Variants in SNX12 observed in about 807,000 individuals in gnomAD.
SNX12 encodes the protein sorting nexin 12.
For synonymous variants in SNX12, 47 were observed against 56.0 expected (o/e 0.84, Z 0.71); for missense variants, 62 against 141.3 (o/e 0.44, Z 2.84).
chrX:71,070,371 T>C (rs1313835012), upstream of SNX12, among the ~76,000 whole-genome samples: 4 of 111,318 alleles, frequency 3.6e-5, no homozygotes, highest in African/African-American at 9.8e-5. Flanking sequence ...AGGAAAGAGA[T>C]TGAAGAAATA....
chrX:71,068,541 C>T (rs781173861), upstream of SNX12: 188 of 264,460 alleles, frequency 7.1e-4, no homozygotes, highest in African/African-American at 5.0e-3. Context: ...TTCAGGCTTC[C>T]GGGTGATGTT....
chrX:71,068,339 G>C (rs368500383), upstream of SNX12: 646 of 1,146,449 alleles, frequency 5.6e-4, no homozygotes, highest in Admixed American at 1.8e-3. Flanking sequence ...CCGGGGAAAG[G>C]GGGTGGGGGA....
At position 71,061,869 on chromosome X, in the gene SNX12, C is replaced by T. The variant is rs1298003816; in HGVS notation, c.360G>A (p.Arg120=). 1.7e-6 allele frequency: 2 copies of T among 1,206,642 alleles called. No individual in the cohort carries two copies. The highest frequency in any genetic ancestry group is 2.2e-6 in the Non-Finnish European group (2 of 893,054). The change falls in exon 3 of 4, where the codon AGG becomes AGA. Residue 120 remains arginine, a synonymous_variant. Transcript: ENST00000374274. ...TGTTAATAAACTGCTCGAGGCCCTGCCTCCTTTCTTCGATGAAAGACTCCT... is the reference window on the plus strand; with the variant it reads ...TGTTAATAAACTGCTCGAGGCCCTGTCTCCTTTCTTCGATGAAAGACTCCT... ...IFEESFIEER[R]QGLEQFINKI...
At position 71,060,824 on chromosome X, in the gene SNX12, A is replaced by C; in HGVS notation, c.*192T>G. On this transcript the variant is annotated 3_prime_UTR_variant, in exon 4 of 4. Coordinates refer to ENST00000374274, the MANE Select transcript of SNX12 (RefSeq NM_013346.4). Reference sequence around the variant, plus strand: ...AAAGGGCATCTGCCTGTGGGTTCCCACCTCTCCTCAGAGAAGAGGATCCTA... The same window carrying C: ...AAAGGGCATCTGCCTGTGGGTTCCCCCCTCTCCTCAGAGAAGAGGATCCTA... 1 of 123,663 alleles carries C rather than the reference A, an allele frequency of 8.1e-6. No individual in the cohort carries two copies. The allele number at this position is 123,663 out of a possible 1,213,427, so 10.2% of individuals were successfully genotyped here. A position where few individuals can be genotyped will look rare whatever the true frequency, so the allele number is the denominator to read the frequency against.
intron 1 of SNX12, among the ~76,000 whole-genome samples, chrX:71,065,264 A>G (rs2092147310): frequency 9.6e-6 from 1 of 104,693 alleles, no homozygotes; most frequent in Non-Finnish European, 1.9e-5. Context: ...AAGGTGAGGC[A>G]GGAGAATCGC....
At chrX:71,068,399 C>T, upstream of SNX12, 1 of 775,890 alleles carries the variant, frequency 1.3e-6, no homozygotes. Context: ...TGCAAAATAA[C>T]TAGCCAACCC....
chrX:71,063,527 T>A (rs2092140062), intron 1 of SNX12, among the ~76,000 whole-genome samples: 1 of 110,248 alleles, frequency 9.1e-6, no homozygotes, highest in Non-Finnish European at 1.9e-5. Context: ...CACTGCATTT[T>A]ATTATTTATA....
rs888820081 is a variant in SNX12, at chrX:71,061,636, G to C, written c.386+207C>G. 3.6e-5 allele frequency among the ~76,000 whole-genome samples: 4 copies of C among 111,757 alleles called. No homozygotes were observed. In the East Asian group the frequency reaches 8.4e-4, roughly 24 times the overall value. On this transcript the variant is annotated intron_variant, in intron 3 of 3. Transcript: ENST00000374274. The stretch of plus-strand genomic sequence containing the variant: ...TAATCCCTGTTACTCAGGAGGCTGA[G>C]GCAGGAGAATCACTTGAACCCAGGA...
chrX:71,065,357 CAAAAAA>C (rs34405331), intron 1 of SNX12, among the ~76,000 whole-genome samples: 2 of 56,115 alleles, frequency 3.6e-5, no homozygotes, highest in Admixed American at 2.4e-4. Flanking sequence ...GACTTTGTCT[CAAAAAA>C]AAAAAAAAAA....
rs769221677 is a variant in SNX12 at position 71,062,937 on chromosome X, T to C, written c.178A>G (p.Ile60Val). 4.2e-6 allele frequency: 5 copies of C among 1,195,257 alleles called. No individual in the cohort carries two copies. Among genetic ancestry groups the C allele is most frequent in the South Asian group, 1.8e-5 (1 of 56,307 alleles). Residue 60 changes from isoleucine to valine, a missense_variant, in exon 2 of 4, where the codon ATC becomes GTC. By Grantham distance (29) the Ile-to-Val change is conservative. Transcript: ENST00000374274. ...YEVRMRTNLP[I>V]FKLKESCVRR... The stretch of plus-strand genomic sequence containing the variant: ...ACGCAGGACTCCTTTAGCTTGAAGA[T>C]AGGTAGGTTTGTCTACATGGAAGGA...
chrX:71,069,159 T>G (rs1408429690), upstream of SNX12, among the ~76,000 whole-genome samples: 3 of 111,913 alleles, frequency 2.7e-5, no homozygotes, highest in Non-Finnish European at 5.6e-5. Context: ...ATATTAATAT[T>G]TATATGACTA....
intron 2 of SNX12, 89 bp from the exon 3 acceptor site, chrX:71,062,056 G>T: frequency 1.1e-6 from 1 of 905,235 alleles, no homozygotes; most frequent in South Asian, 2.7e-5. Context: ...TTTCTTATTA[G>T]GCATAGGGTC....
At chrX:71,070,008 A>C (rs1024161377), upstream of SNX12, among the ~76,000 whole-genome samples, 1 of 111,917 alleles carries the variant, frequency 8.9e-6, no homozygotes, top group African/African-American at 3.2e-5. Flanking sequence ...AAGAATACAC[A>C]AAGTCCTTGC....
At chrX:71,068,116 G>C (rs766372213) in intron 1 of SNX12, 26 bp downstream of exon 1, 1 of 1,088,898 alleles carries the variant, frequency 9.2e-7, no homozygotes, top group Admixed American at 2.5e-5. Flanking sequence ...TCCTCCCTCA[G>C]CTGTCTCCCT....
In SNX12 at chrX:71,059,474, G is replaced by C. The variant is rs2092123621; in HGVS notation, c.*1542C>G. On this transcript the variant is annotated 3_prime_UTR_variant, in exon 4 of 4. Coordinates refer to ENST00000374274, the MANE Select transcript of SNX12 (RefSeq NM_013346.4). ...AGCAACAACAACATTGGCGAGGTGG[G>C]AAAGGGAGCAGAGCCTCTCATTAGG... The C allele has an allele frequency of 8.9e-6, 1 of 112,147 alleles. No individual in the cohort carries two copies. The highest frequency in any genetic ancestry group is 3.7e-4 in the South Asian group (1 of 2,720). The allele number at this position is 112,147 out of a possible 1,213,427, so 9.2% of individuals were successfully genotyped here.
At chrX:71,071,522 T>TTTATATATATTATATATAATATTC (rs1569477434), upstream of SNX12, among the ~76,000 whole-genome samples, 1 of 35,052 alleles carries the variant, frequency 2.9e-5, no homozygotes, top group African/African-American at 1.2e-4. Flanking sequence ...TTAATTTATA[T>TTTATATATATTATATATAATATTC]ATATATTTAT....
In SNX12 at chrX:71,063,471, TGA is replaced by T. The variant is rs766365091; in HGVS notation, c.166-524_166-523del. 1.0e-4 allele frequency among the ~76,000 whole-genome samples: 11 copies of T among 105,782 alleles called. No homozygotes were observed. In the South Asian group the frequency reaches 4.7e-3, roughly 45 times the overall value. The allele number at this position is 105,782 out of a possible 115,157, so 91.9% of individuals were successfully genotyped here. A position where few individuals can be genotyped will look rare whatever the true frequency, so the allele number is the denominator to read the frequency against. ...AAGATCACACCACTGCACTCCATCC[TGA>T]GAGACAGAGTGAGATTCTGTCTCAA... is the stretch of plus-strand genomic sequence containing the variant. On this transcript the variant is annotated intron_variant, in intron 1 of 3. Transcript: ENST00000374274.
upstream of SNX12, among the ~76,000 whole-genome samples, chrX:71,071,574 A>T (rs375361681): frequency 0.058 from 1,775 of 30,392 alleles, 109 homozygotes; most frequent in Admixed American, 0.2. Flanking sequence ...TTTATATATT[A>T]TATATATAAA....
At chrX:71,071,623 AT>A (rs1293308068), upstream of SNX12, among the ~76,000 whole-genome samples, 246 of 62,171 alleles carry the variant, frequency 4.0e-3, no homozygotes, top group Admixed American at 6.6e-3. Flanking sequence ...AATATATAAT[AT>A]TTATATATTT....
Sources: allele counts gnomAD v4.1 joint callset (sites outside exome capture counted in the v4.1 genomes callset), GRCh38; gene constraint gnomAD v4.1.1; transcripts MANE v1.5; gene names NCBI Gene and HGNC (gene_info 2026-07-23, HGNC 2026-07-21).